NRG1: variants seen among roughly 807,000 people sequenced by gnomAD.
NRG1 encodes neuregulin 1.
NRG1 carries 18 observed loss-of-function variants against 63.8 expected under a neutral mutation model. The observed-to-expected ratio is 0.28, with a 90% CI of 0.19 to 0.42. NRG1 has a LOEUF of 0.42. NRG1 is among the 10% of genes least tolerant of loss of function. The pLI, the probability that NRG1 is intolerant of heterozygous loss-of-function variation, is 1.00. For synonymous variants in NRG1, 302 were observed against 301.3 expected (o/e 1.00, Z -0.02); for missense variants, 762 against 814.7 (o/e 0.94, Z 0.79).
intron 1 of NRG1, among the ~76,000 whole-genome samples, chr8:31,708,496 A>C (rs1811383847): frequency 7.1e-6 from 1 of 141,238 alleles, no homozygotes; most frequent in Admixed American, 7.4e-5. Context: ...CCCAGGCTGG[A>C]GTGCAGTGGC....
At chr8:32,727,848 C>A in intron 5 of NRG1, 101 bp from the exon 6 acceptor site, 4 of 1,202,750 alleles carry the variant, frequency 3.3e-6, no homozygotes, top group Non-Finnish European at 4.7e-6. Flanking sequence ...GAAATCTGTA[C>A]CTTATATGAA....
intron 1 of NRG1, among the ~76,000 whole-genome samples, chr8:31,804,225 T>C (rs1484332548): frequency 6.6e-6 from 1 of 152,156 alleles, no homozygotes; most frequent in Non-Finnish European, 1.5e-5. Context: ...CTGAAAACCC[T>C]AAAGTTCAGT....
At chr8:32,081,262 T>C (rs769140941) in intron 1 of NRG1, among the ~76,000 whole-genome samples, 2 of 152,170 alleles carry the variant, frequency 1.3e-5, no homozygotes, top group African/African-American at 2.4e-5. Context: ...GGTCACATTC[T>C]GAGGAACTGG....
At chr8:32,717,178 CA>C (rs1218365080) in intron 5 of NRG1, among the ~76,000 whole-genome samples, 2 of 152,084 alleles carry the variant, frequency 1.3e-5, no homozygotes, top group Admixed American at 1.3e-4. Context: ...CTAAAATGTA[CA>C]TTTTCTTTAG....
intron 1 of NRG1, among the ~76,000 whole-genome samples, chr8:32,062,766 G>A (rs2126609): frequency 0.56 from 85,039 of 151,862 alleles, 27,106 homozygotes; most frequent in Non-Finnish European, 0.71. Flanking sequence ...CTGTCTTTAT[G>A]CTTAATGCAG....
At chr8:32,338,822 G>C (rs1236460062) in intron 1 of NRG1, among the ~76,000 whole-genome samples, 1 of 152,108 alleles carries the variant, frequency 6.6e-6, no homozygotes, top group African/African-American at 2.4e-5. Context: ...ATACTCCGGA[G>C]AATGTTCCTA....
In NRG1 at chr8:32,763,335, C is replaced by G. The variant is rs1485251778; in HGVS notation, c.1260-413C>G. On this transcript the variant is annotated intron_variant, in intron 11 of 11. Transcript: ENST00000356819. ...CCATTCCCCATTTGGGCTTCATTCT[C>G]TAAGACCCCTTGGCCTTTAGGAAGG... is the stretch of plus-strand genomic sequence containing the variant. 1.1e-5 allele frequency: 18 copies of G among 1,613,904 alleles called. 1 individual carries two copies. The highest frequency in any genetic ancestry group is 1.6e-4 in the Middle Eastern group (1 of 6,084).
chr8:31,956,061 A>AAAC (rs1298024960), intron 1 of NRG1, among the ~76,000 whole-genome samples: 5 of 151,488 alleles, frequency 3.3e-5, no homozygotes, highest in African/African-American at 9.7e-5. Context: ...AAACAAAAAA[A>AAAC]CAAAAAAACA....
At chr8:32,504,466 G>A (rs944820870) in intron 1 of NRG1, among the ~76,000 whole-genome samples, 2 of 151,972 alleles carry the variant, frequency 1.3e-5, no homozygotes, top group Admixed American at 6.6e-5. Context: ...ACTTATAAGC[G>A]TTTTTTTAAG....
In NRG1 at chr8:31,851,368, G is replaced by A. The variant is rs1272682304; in HGVS notation, c.37+211937G>A. On this transcript the variant is annotated intron_variant, in intron 1 of 10. Coordinates refer to the NRG1 transcript ENST00000519301. ...AAAATTGGACACCATTTCTTAAAAG[G>A]ATTATGTGAAAATTTTATGATGCCT... Among the ~76,000 whole-genome samples, 4 of 152,098 alleles carry A rather than the reference G, an allele frequency of 2.6e-5. 1 individual carries two copies. The highest frequency in any genetic ancestry group is 5.9e-5 in the Non-Finnish European group (4 of 68,022).
At chr8:31,876,348 A>C (rs1829921029) in intron 1 of NRG1, among the ~76,000 whole-genome samples, 1 of 152,194 alleles carries the variant, frequency 6.6e-6, no homozygotes, top group Non-Finnish European at 1.5e-5. Context: ...CAAGCATTAA[A>C]GGAGGTCATC....
At chr8:32,643,679 G>A (rs777059570) in intron 5 of NRG1, among the ~76,000 whole-genome samples, 5 of 152,120 alleles carry the variant, frequency 3.3e-5, no homozygotes, top group African/African-American at 9.7e-5. Context: ...AACTGAAATC[G>A]CTTCCCAAGG....
intron 1 of NRG1, among the ~76,000 whole-genome samples, chr8:31,886,361 T>C (rs1340440982): frequency 6.6e-6 from 1 of 152,170 alleles, no homozygotes; most frequent in East Asian, 1.9e-4. Flanking sequence ...TCTATATTTG[T>C]AGCTTTGCCA....
rs200394409 is a variant in NRG1, at chr8:32,468,727, T to TTG, written c.38-127100_38-127099insGT. Among the ~76,000 whole-genome samples the TTG allele has an allele frequency of 6.1e-5, 9 of 146,780 alleles. No homozygotes were observed. The East Asian group carries it at 2.2e-3, about 37-fold the overall frequency. Reference sequence around the variant, plus strand: ...TTGAGCAATTTAACATTACAGTTTTTTTTTTTTTTTTCAGCAAGAAGTGTG... The same window carrying TTG: ...TTGAGCAATTTAACATTACAGTTTTTTGTTTTTTTTTTTCAGCAAGAAGTGTG... On this transcript the variant is annotated intron_variant, in intron 1 of 10. Transcript: ENST00000519301.
chr8:32,494,433 C>T (rs1826954774), intron 1 of NRG1, among the ~76,000 whole-genome samples: 1 of 151,992 alleles, frequency 6.6e-6, no homozygotes, highest in South Asian at 2.1e-4. Flanking sequence ...GAATTGTCTC[C>T]AAATAAAAGC....
intron 1 of NRG1, among the ~76,000 whole-genome samples, chr8:32,433,868 C>G (rs1041370489): frequency 5.3e-5 from 8 of 152,148 alleles, no homozygotes; most frequent in African/African-American, 1.9e-4. Flanking sequence ...TGGCCTTCCC[C>G]ATGCATGATA....
At chr8:31,897,142 C>T (rs567570106) in intron 1 of NRG1, among the ~76,000 whole-genome samples, 6 of 152,240 alleles carry the variant, frequency 3.9e-5, no homozygotes, top group Admixed American at 3.3e-4. Context: ...CAATTCTAAG[C>T]CTCCCAACCA....
chr8:31,769,191 T>C (rs546631725), intron 1 of NRG1, among the ~76,000 whole-genome samples: 37 of 152,228 alleles, frequency 2.4e-4, no homozygotes, highest in South Asian at 6.2e-4. Flanking sequence ...TACCTATAAA[T>C]ACTTCAATAA....
At chr8:32,480,046 T>C (rs574594816) in intron 1 of NRG1, among the ~76,000 whole-genome samples, 6 of 152,284 alleles carry the variant, frequency 3.9e-5, no homozygotes, top group Middle Eastern at 3.4e-3. Context: ...TCCAATATTT[T>C]GGTAGGCTTT....
Sources: gnomAD v4.1 joint callset for allele counts (sites outside exome capture counted in the v4.1 genomes callset) on GRCh38, gnomAD v4.1.1 for gene constraint, MANE v1.5 for transcripts, NCBI Gene and HGNC (gene_info 2026-07-23, HGNC 2026-07-21) for gene names.